GPC5: variants seen among roughly 807,000 people sequenced by gnomAD.
The protein encoded by GPC5 is glypican-5.
In GPC5, 47 loss-of-function variants were observed where a neutral mutation model predicts 53.9. The observed-to-expected ratio is 0.87, with a 90% confidence interval of 0.69 to 1.11. GPC5 has a LOEUF of 1.11. Among genes scored for constraint, GPC5 ranks in the 50% most tolerant of loss-of-function variants. The pLI is 0.00. For missense variants in GPC5, 748 were observed against 713.1 expected (o/e 1.05, Z -0.56); for synonymous variants, 286 against 263.3 (o/e 1.09, Z -0.84).
chr13:91,455,757 A>C (rs74106766), intron 2 of GPC5, among the ~76,000 whole-genome samples: 2,144 of 152,108 alleles, frequency 0.014, 60 homozygotes, highest in African/African-American at 0.05. Context: ...CTTGCTTTTA[A>C]AAAATTTGCT....
chr13:92,397,555 C>A (rs529242225), intron 7 of GPC5, among the ~76,000 whole-genome samples: 23 of 152,236 alleles, frequency 1.5e-4, no homozygotes, highest in African/African-American at 5.5e-4. Flanking sequence ...GTATGATTTC[C>A]GCAGCTTCTG....
intron 4 of GPC5, among the ~76,000 whole-genome samples, chr13:91,742,557 A>C (rs1314446080): frequency 6.6e-6 from 1 of 152,190 alleles, no homozygotes; most frequent in Non-Finnish European, 1.5e-5. Flanking sequence ...TTTGGCACGA[A>C]CTAGAAGTTG....
In GPC5 at chr13:92,132,093, C is replaced by A. The variant is rs543822988; in HGVS notation, c.1402-12737C>A. On this transcript the variant is annotated intron_variant, in intron 6 of 7. Transcript: ENST00000377067. ...GAATAAAATACAGCAATTAAAGAAC[C>A]GTTGCTACATCTGTGATGTCACAAA... Among the ~76,000 whole-genome samples the A allele has an allele frequency of 7.4e-4, 112 of 151,872 alleles. 1 individual carries two copies. In the Middle Eastern group the frequency reaches 0.031, roughly 42 times the overall value.
At chr13:92,678,332 T>C (rs1266332130) in intron 7 of GPC5, among the ~76,000 whole-genome samples, 1 of 152,166 alleles carries the variant, frequency 6.6e-6, no homozygotes, top group African/African-American at 2.4e-5. Context: ...TTACTGATTT[T>C]CTCAAACTAT....
intron 6 of GPC5, among the ~76,000 whole-genome samples, chr13:92,123,552 C>T (rs772969536): frequency 6.6e-5 from 10 of 152,126 alleles, no homozygotes; most frequent in African/African-American, 2.4e-5. Context: ...AAAAATGTGG[C>T]AAAGTTTGAA....
intron 4 of GPC5, among the ~76,000 whole-genome samples, chr13:91,741,475 A>C (rs2036931970): frequency 1.3e-5 from 2 of 152,228 alleles, no homozygotes; most frequent in Non-Finnish European, 2.9e-5. Context: ...ATTACAGAAA[A>C]ACACAGGGAA....
chr13:91,527,878 G>T (rs1886160916), intron 2 of GPC5, among the ~76,000 whole-genome samples: 4 of 152,190 alleles, frequency 2.6e-5, no homozygotes, highest in South Asian at 4.1e-4. Flanking sequence ...CCATATGATG[G>T]CCCCTTTTAG....
intron 7 of GPC5, among the ~76,000 whole-genome samples, chr13:92,567,889 T>A (rs991808916): frequency 6.6e-6 from 1 of 152,152 alleles, no homozygotes; most frequent in African/African-American, 2.4e-5. Context: ...AACTAATACA[T>A]TGGTTTCTTG....
At chr13:91,820,589 C>T (rs1417153472) in intron 5 of GPC5, among the ~76,000 whole-genome samples, 1 of 152,106 alleles carries the variant, frequency 6.6e-6, no homozygotes, top group Non-Finnish European at 1.5e-5. Flanking sequence ...ATGGGCTTGT[C>T]ATTGTGCTAC....
At chr13:91,955,726 G>A (rs192768068) in intron 6 of GPC5, among the ~76,000 whole-genome samples, 1 of 152,186 alleles carries the variant, frequency 6.6e-6, no homozygotes, top group Admixed American at 6.5e-5. Flanking sequence ...ATAATAGCTT[G>A]TGCTGCATTC....
chr13:92,158,211 GGA>G (rs1401038106), intron 7 of GPC5, among the ~76,000 whole-genome samples: 1 of 152,166 alleles, frequency 6.6e-6, no homozygotes, highest in African/African-American at 2.4e-5. Context: ...CACTCTTCCT[GGA>G]GCACCACTTT....
chr13:92,372,882 G>A (rs977815324), intron 7 of GPC5, among the ~76,000 whole-genome samples: 1 of 152,236 alleles, frequency 6.6e-6, no homozygotes, highest in Admixed American at 6.5e-5. Context: ...TTTTGTGCCT[G>A]TATTATGTTA....
At chr13:91,774,201 TA>T (rs1485420638) in intron 5 of GPC5, among the ~76,000 whole-genome samples, 1 of 152,158 alleles carries the variant, frequency 6.6e-6, no homozygotes, top group East Asian at 1.9e-4. Context: ...GGATTCTTAC[TA>T]AAAAAATGTG....
intron 7 of GPC5, among the ~76,000 whole-genome samples, chr13:92,347,728 C>A: frequency 6.9e-6 from 1 of 144,250 alleles, no homozygotes; most frequent in Non-Finnish European, 1.5e-5. Context: ...AATAAATCGT[C>A]AAGGGACACA....
chr13:92,214,786 C>G (rs2042398296), intron 7 of GPC5, among the ~76,000 whole-genome samples: 1 of 152,202 alleles, frequency 6.6e-6, no homozygotes, highest in South Asian at 2.1e-4. Flanking sequence ...TGAGATTAGT[C>G]TGCATTGTGC....
At chr13:92,248,446 C>G (rs1340065537) in intron 7 of GPC5, among the ~76,000 whole-genome samples, 6 of 152,108 alleles carry the variant, frequency 3.9e-5, no homozygotes, top group African/African-American at 1.2e-4. Context: ...CTTAGTCTTA[C>G]TAAATTTCAA....
chr13:91,609,430 G>GAAC (rs1015744953), intron 2 of GPC5, among the ~76,000 whole-genome samples: 4 of 152,148 alleles, frequency 2.6e-5, no homozygotes, highest in African/African-American at 9.7e-5. Context: ...CCCAGGAGGG[G>GAAC]AACACCTCAT....
chr13:92,527,114 AAGAAAG>A (rs1455866569), intron 7 of GPC5, among the ~76,000 whole-genome samples: 2 of 68,960 alleles, frequency 2.9e-5, no homozygotes, highest in African/African-American at 1.1e-4. Context: ...AGAAAAAAGA[AAGAAAG>A]AAAGAAAGAA....
chr13:92,653,463 CTT>C (rs1289956835), intron 7 of GPC5, among the ~76,000 whole-genome samples: 1 of 152,152 alleles, frequency 6.6e-6, no homozygotes, highest in Admixed American at 6.6e-5. Context: ...GCTAAAATGT[CTT>C]TTTTTCAAAT....
Sources: allele counts gnomAD v4.1 joint callset (sites outside exome capture counted in the v4.1 genomes callset), GRCh38; gene constraint gnomAD v4.1.1; transcripts MANE v1.5; gene names NCBI Gene and HGNC (gene_info 2026-07-23, HGNC 2026-07-21).